CNTLN: variants seen among roughly 807,000 people sequenced by gnomAD.
CNTLN encodes centlein.
CNTLN carries 212 observed loss-of-function variants against 180.0 expected under a neutral mutation model. The ratio of observed to expected loss-of-function variants is 1.18; its 90% CI spans 1.05 to 1.32. The LOEUF is 1.32. CNTLN is among the 40% of genes most tolerant of loss of function. CNTLN has a pLI of 0.00. For missense variants in CNTLN, 2,095 were observed against 1,610.9 expected (o/e 1.30, Z -5.14); for synonymous variants, 722 against 563.1 (o/e 1.28, Z -3.99).
chr9:17,525,823 A>G, the CNTLN span, among the ~76,000 whole-genome samples: 201 of 152,386 alleles, frequency 1.3e-3, 1 homozygote, highest in African/African-American at 4.5e-3. Flanking sequence ...CTTTTTAAAG[A>G]CATACAAAAC....
chr9:17,433,346 G>A (rs1020085159), intron 18 of CNTLN, among the ~76,000 whole-genome samples: 6 of 151,122 alleles, frequency 4.0e-5, no homozygotes, highest in Admixed American at 4.0e-4. Context: ...GTGCAATGGC[G>A]CAATCTTGGC....
rs573936854 is a variant in CNTLN at position 17,459,902 on chromosome 9, C to T, written c.3306+2187C>T. Among the ~76,000 whole-genome samples, 10 of 151,688 alleles carry T rather than the reference C, an allele frequency of 6.6e-5. No individual in the cohort carries two copies. The South Asian group carries it at 1.7e-3, about 25-fold the overall frequency. Reference sequence around the variant, plus strand: ...GTCACATTCTAAAGTACTGAGGGTTCGGTGAGAACTTCTACATACTAATTT... The same window carrying T: ...GTCACATTCTAAAGTACTGAGGGTTTGGTGAGAACTTCTACATACTAATTT... On this transcript the variant is annotated intron_variant, in intron 19 of 25. Transcript: ENST00000380647.
chr9:17,442,834 A>G (rs1830186591), intron 18 of CNTLN, among the ~76,000 whole-genome samples: 1 of 152,200 alleles, frequency 6.6e-6, no homozygotes, highest in African/African-American at 2.4e-5. Context: ...GTAAGAGGGA[A>G]GTTTATGTAC....
intron 8 of CNTLN, among the ~76,000 whole-genome samples, chr9:17,318,842 AT>A (rs1819710922): frequency 2.9e-4 from 1 of 3,494 alleles, no homozygotes; most frequent in Non-Finnish European, 2.0e-3. Flanking sequence ...CCTTTATTCC[AT>A]CCATCCATCC....
At chr9:17,151,109 TC>T (rs1818841098) in intron 2 of CNTLN, among the ~76,000 whole-genome samples, 1 of 152,204 alleles carries the variant, frequency 6.6e-6, no homozygotes, top group Non-Finnish European at 1.5e-5. Flanking sequence ...CAAATTGACT[TC>T]CTCTCTTCCT....
chr9:17,240,535 T>A (rs1825418899), intron 5 of CNTLN, among the ~76,000 whole-genome samples: 1 of 152,244 alleles, frequency 6.6e-6, no homozygotes, highest in African/African-American at 2.4e-5. Context: ...TTCAAATACC[T>A]ATTTGCCATT....
At chr9:17,162,973 C>G (rs1192128555) in intron 2 of CNTLN, among the ~76,000 whole-genome samples, 1 of 152,110 alleles carries the variant, frequency 6.6e-6, no homozygotes, top group East Asian at 1.9e-4. Context: ...GTACCTGAGA[C>G]TGGGTAATTT....
At chr9:17,392,747 G>A (rs1826208119) in intron 14 of CNTLN, among the ~76,000 whole-genome samples, 1 of 151,894 alleles carries the variant, frequency 6.6e-6, no homozygotes, top group Admixed American at 6.6e-5. Context: ...CCCCAGGATA[G>A]TGTAGTCACT....
At chr9:17,357,420 G>C (rs1383780460) in intron 12 of CNTLN, among the ~76,000 whole-genome samples, 1 of 151,546 alleles carries the variant, frequency 6.6e-6, no homozygotes, top group Non-Finnish European at 1.5e-5. Context: ...TAACTCTGGA[G>C]ATTAACTTTC....
intron 23 of CNTLN, among the ~76,000 whole-genome samples, chr9:17,482,503 T>G (rs1409929045): frequency 4.6e-5 from 7 of 152,106 alleles, no homozygotes; most frequent in Non-Finnish European, 1.0e-4. Context: ...GACTCAGCAT[T>G]CCAAAATGTC....
intron 2 of CNTLN, among the ~76,000 whole-genome samples, chr9:17,215,671 A>G (rs1183738918): frequency 6.6e-6 from 1 of 152,102 alleles, no homozygotes; most frequent in Non-Finnish European, 1.5e-5. Context: ...GGAGGCTGGC[A>G]GGCCTCCTTG....
In CNTLN at chr9:17,408,369, A is replaced by T. The variant is rs538339092; in HGVS notation, c.2616-924A>T. ...TTTTTATTTTTTTTCTCTTTAACAC[A>T]TCACTATTGACATAGTATGTATTTT... On this transcript the variant is annotated intron_variant, in intron 15 of 25. Coordinates refer to ENST00000380647, the MANE Select transcript of CNTLN (RefSeq NM_017738.4). Among the ~76,000 whole-genome samples the T allele has an allele frequency of 7.9e-5, 12 of 152,142 alleles. No individual in the cohort carries two copies. In the South Asian group the frequency reaches 2.5e-3, roughly 32 times the overall value.
chr9:17,196,871 A>T (rs1006535605), intron 2 of CNTLN, among the ~76,000 whole-genome samples: 8 of 152,024 alleles, frequency 5.3e-5, no homozygotes, highest in African/African-American at 1.9e-4. Flanking sequence ...ATCCCATTAT[A>T]TTATTTTAGT....
At chr9:17,509,478 C>A in the CNTLN span, among the ~76,000 whole-genome samples, 1 of 152,214 alleles carries the variant, frequency 6.6e-6, no homozygotes, top group Non-Finnish European at 1.5e-5. Context: ...AAGGAAGTTA[C>A]TTCAAGCAAA....
At chr9:17,150,165 T>G (rs1024936554) in intron 2 of CNTLN, among the ~76,000 whole-genome samples, 1 of 152,224 alleles carries the variant, frequency 6.6e-6, no homozygotes, top group Admixed American at 6.5e-5. Flanking sequence ...TTAGATCCCA[T>G]TTGTCTCTTT....
At chr9:17,224,721 T>C (rs954621581) in intron 2 of CNTLN, among the ~76,000 whole-genome samples, 4 of 152,212 alleles carry the variant, frequency 2.6e-5, no homozygotes, top group Middle Eastern at 3.4e-3. Context: ...TACCTGATTG[T>C]GTTTCATCTC....
the CNTLN span, among the ~76,000 whole-genome samples, chr9:17,509,724 G>A: frequency 1.3e-5 from 2 of 152,132 alleles, no homozygotes; most frequent in Admixed American, 6.5e-5. Context: ...AAATCAGGGG[G>A]TGGAATTGGG....
intron 2 of CNTLN, among the ~76,000 whole-genome samples, chr9:17,194,436 A>G (rs931323967): frequency 5.3e-5 from 8 of 152,170 alleles, no homozygotes; most frequent in Admixed American, 2.0e-4. Flanking sequence ...CTCAAGTTCA[A>G]AGTTCTACAA....
At chr9:17,338,946 A>C (rs1485943433) in intron 10 of CNTLN, among the ~76,000 whole-genome samples, 1 of 152,166 alleles carries the variant, frequency 6.6e-6, no homozygotes, top group Admixed American at 6.5e-5. Context: ...AAATGAACAA[A>C]ATTGAACTCA....
Sources: allele counts gnomAD v4.1 joint callset (sites outside exome capture counted in the v4.1 genomes callset), GRCh38; gene constraint gnomAD v4.1.1; transcripts MANE v1.5; gene names NCBI Gene and HGNC (gene_info 2026-07-23, HGNC 2026-07-21).